The following EPB41 variants were observed in gnomAD, a reference collection of about 807,000 sequenced individuals.
EPB41 encodes the protein protein 4.1.
Under a neutral mutation model 108.0 loss-of-function variants are expected in EPB41, and 65 were observed. That is an observed-to-expected ratio of 0.60 (90% CI 0.49 to 0.74). The LOEUF (loss-of-function observed/expected upper bound fraction) is 0.74. Among genes scored for constraint, EPB41 ranks in the 30% least tolerant of loss-of-function variants. EPB41 has a pLI of 0.00. For missense variants in EPB41, 875 were observed against 1,037.0 expected (o/e 0.84, Z 2.15); for synonymous variants, 336 against 358.9 (o/e 0.94, Z 0.72).
At position 29,083,177 on chromosome 1, in the gene EPB41, GA is replaced by G. The variant is rs144842989; in HGVS notation, c.2185-14620del. On this transcript the variant is annotated intron_variant, in intron 16 of 20. Transcript: ENST00000343067. The stretch of plus-strand genomic sequence containing the variant: ...CTAGAAACTAATAGCATACAACCTT[GA>G]AAAAAAAAAGGCGAGAGAGGGTACA... Among the ~76,000 whole-genome samples the G allele has an allele frequency of 8.3e-5, 12 of 144,820 alleles. No individual in the cohort carries two copies. In the Middle Eastern group the frequency reaches 0.011, roughly 127 times the overall value.
rs181729716 is a variant in EPB41, at chr1:28,937,783, A to C, written c.-8+23015A>C. Among the ~76,000 whole-genome samples, 19 of 152,366 alleles carry C rather than the reference A, an allele frequency of 1.2e-4. No individual in the cohort carries two copies. The East Asian group carries it at 3.7e-3, about 29-fold the overall frequency. On this transcript the variant is annotated intron_variant, in intron 1 of 20. Transcript: ENST00000343067. Reference sequence around the variant, plus strand: ...AGAAATCATTGCCTAAATCAAAATCATGGAAATTTACGTCTTATCTTTTCT... The same window carrying C: ...AGAAATCATTGCCTAAATCAAAATCCTGGAAATTTACGTCTTATCTTTTCT...
chr1:28,925,213 T>G (rs2093374448), intron 1 of EPB41, among the ~76,000 whole-genome samples: 1 of 152,138 alleles, frequency 6.6e-6, no homozygotes, highest in South Asian at 2.1e-4. Context: ...TCCGCCCACC[T>G]CGGCCTCTCA....
intron 9 of EPB41, 93 bp downstream of exon 9, chr1:29,033,338 G>A: frequency 6.8e-7 from 1 of 1,461,454 alleles, no homozygotes; most frequent in African/African-American, 1.4e-5. Flanking sequence ...CATCTGAGAA[G>A]TCTCTCTATA....
rs142780829 is a variant in EPB41 at position 29,111,427 on chromosome 1, C to T, written c.2416-941C>T. ...ATCCCAGCACTTTGGGAGGCCGGGG[C>T]GGGCAGATCACGAGGTCAAGAGGTC... On this transcript the variant is annotated intron_variant, in intron 18 of 20. Transcript: ENST00000343067. 4.6e-3 allele frequency among the ~76,000 whole-genome samples: 696 copies of T among 151,288 alleles called. 4 individuals carry two copies. Among genetic ancestry groups the T allele is most frequent in the African/African-American group, 0.016 (652 of 41,226 alleles).
At position 29,053,136 on chromosome 1, in the gene EPB41, C is replaced by G. The variant is rs766647770; in HGVS notation, c.1669C>G (p.Arg557Gly). ...AAVDSADRSP[R>G]PTSAPAITQG... ...TGTCGATTCGGCAGACCGAAGTCCT[C>G]GGCCCACTTCTGCACCTGCCATTAC... The change falls in exon 12 of 21, where the codon CGG becomes GGG. Residue 557 changes from arginine (R) to glycine (G), a missense_variant. Arg to Gly is a moderately radical substitution (Grantham distance 125). Around this residue, in one of 3 missense-constraint regions of EPB41, gnomAD observed 519 missense variants for 627.3 expected, o/e 0.83. Coordinates refer to ENST00000343067, the MANE Select transcript of EPB41 (RefSeq NM_001376013.1). The G allele has an allele frequency of 6.2e-7, 1 of 1,614,184 alleles. No individual in the cohort carries two copies. The highest frequency in any genetic ancestry group is 1.1e-5 in the South Asian group (1 of 91,076).
rs1001858831 is a variant in EPB41 at position 29,061,490 on chromosome 1, G to C, written c.2007+1006G>C. Among the ~76,000 whole-genome samples the C allele has an allele frequency of 2.0e-5, 3 of 151,074 alleles. No homozygotes were observed. In the Admixed American group the frequency reaches 2.0e-4, roughly 10 times the overall value. On this transcript the variant is annotated intron_variant, in intron 15 of 20. Coordinates refer to ENST00000343067, the MANE Select transcript of EPB41 (RefSeq NM_001376013.1). ...TTCACTGTGTTAGCCAGGATGGTCT[G>C]GATCTCCTGACCTCGTGATTCGCCC... is the stretch of plus-strand genomic sequence containing the variant.
intron 15 of EPB41, among the ~76,000 whole-genome samples, chr1:29,063,736 A>C (rs1472178757): frequency 1.3e-5 from 2 of 152,228 alleles, no homozygotes; most frequent in African/African-American, 4.8e-5. Context: ...CTGCCTTGAT[A>C]TATAATAAAC....
chr1:29,035,105 C>T (rs953143224), intron 9 of EPB41, among the ~76,000 whole-genome samples: 16 of 151,690 alleles, frequency 1.1e-4, no homozygotes, highest in African/African-American at 3.6e-4. Context: ...CCTCAGCCTC[C>T]TGAGTAGCTG....
At chr1:28,926,559 C>T (rs1382262671) in intron 1 of EPB41, among the ~76,000 whole-genome samples, 3 of 152,166 alleles carry the variant, frequency 2.0e-5, no homozygotes, top group South Asian at 4.1e-4. Flanking sequence ...GATCTTCTGT[C>T]AAAGCCAATG....
At chr1:29,013,063 G>T (rs1036702403) in intron 5 of EPB41, among the ~76,000 whole-genome samples, 7 of 151,716 alleles carry the variant, frequency 4.6e-5, no homozygotes, top group African/African-American at 1.5e-4. Context: ...ATCTTCCTGG[G>T]TATTTAAAAA....
At chr1:28,908,651 C>T (rs1489258224) in intron 1 of EPB41, among the ~76,000 whole-genome samples, 3 of 149,324 alleles carry the variant, frequency 2.0e-5, no homozygotes, top group Non-Finnish European at 3.0e-5. Flanking sequence ...AGGCTGGTCT[C>T]GCACTCCTGA....
At chr1:28,890,580 C>T (rs372747068) in intron 1 of EPB41, among the ~76,000 whole-genome samples, 5 of 152,188 alleles carry the variant, frequency 3.3e-5, no homozygotes, top group Admixed American at 6.5e-5. Flanking sequence ...CTGAGTATGA[C>T]GGGCCCACAA....
chr1:28,975,097 T>A (rs2095573132), intron 1 of EPB41, among the ~76,000 whole-genome samples: 1 of 151,924 alleles, frequency 6.6e-6, no homozygotes, highest in African/African-American at 2.4e-5. Flanking sequence ...CTGGCCAATT[T>A]TTTTTTGTAT....
intron 16 of EPB41, among the ~76,000 whole-genome samples, chr1:29,084,360 A>T (rs933685856): frequency 6.6e-6 from 1 of 152,266 alleles, no homozygotes; most frequent in Admixed American, 6.5e-5. Flanking sequence ...TGCACAGATG[A>T]TGGTGACTGA....
intron 1 of EPB41, among the ~76,000 whole-genome samples, chr1:28,888,355 C>G (rs1316528978): frequency 6.6e-6 from 1 of 152,202 alleles, no homozygotes; most frequent in African/African-American, 2.4e-5. Flanking sequence ...GCACGCGCCC[C>G]GGAGCTTCAG....
chr1:29,051,897 TAAAAA>T (rs10715253), intron 11 of EPB41, among the ~76,000 whole-genome samples: 1 of 144,686 alleles, frequency 6.9e-6, no homozygotes, highest in African/African-American at 2.5e-5. Context: ...GACTCCATCT[TAAAAA>T]AAAAAAAAAA....
At chr1:28,902,107 T>A (rs2091376980) in intron 1 of EPB41, 1 of 928,430 alleles carries the variant, frequency 1.1e-6, no homozygotes, top group African/African-American at 1.8e-5. Context: ...ATGAAGCCTG[T>A]TCTCTCTGGA....
At chr1:29,086,835 C>T (rs1032604545) in intron 16 of EPB41, among the ~76,000 whole-genome samples, 5 of 151,660 alleles carry the variant, frequency 3.3e-5, no homozygotes, top group Admixed American at 6.6e-5. Flanking sequence ...TACACAGGTA[C>T]TCATACATGG....
intron 4 of EPB41, among the ~76,000 whole-genome samples, chr1:29,009,274 G>C (rs963566659): frequency 6.6e-6 from 1 of 151,692 alleles, no homozygotes; most frequent in African/African-American, 2.4e-5. Flanking sequence ...TGTACACATT[G>C]ATTTTTATTA....
Sources: gnomAD v4.1 joint callset for allele counts (sites outside exome capture counted in the v4.1 genomes callset) on GRCh38, gnomAD v4.1.1 for gene constraint, gnomAD v4.1.1 regional missense constraint, MANE v1.5 for transcripts, NCBI Gene and HGNC (gene_info 2026-07-23, HGNC 2026-07-21) for gene names.